PSME4: variants seen among roughly 807,000 people sequenced by gnomAD.
PSME4 encodes the protein proteasome activator complex subunit 4.
A neutral mutation model predicts 253.9 loss-of-function variants in PSME4; 89 were observed. That is an observed-to-expected ratio of 0.35 (90% CI 0.30 to 0.42). PSME4 has a LOEUF of 0.42. PSME4 is among the 10% of genes least tolerant of loss of function. The pLI is 1.00. For missense variants in PSME4, 2,014 were observed against 2,195.2 expected, an observed-to-expected ratio of 0.92 and a Z score of 1.65; for synonymous variants, 851 against 759.2, an observed-to-expected ratio of 1.12 and a Z score of -1.99.
chr2:53,921,017 G>T lies in PSME4; in HGVS notation c.2134C>A (p.Gln712Lys). The change falls in exon 18 of 47, where the codon CAG (glutamine) becomes AAG (lysine). Residue 712 changes from glutamine (Q) to lysine (K), a missense_variant. Around this residue, in one of 4 missense-constraint regions of PSME4, gnomAD observed 989 missense variants for 1,021.1 expected, o/e 0.97. Transcript: ENST00000404125. The stretch of plus-strand genomic sequence containing the variant: ...AGGTTACAAGACAGAGTGTAACCCT[G>T]CTTACAGGTTAAATGTAGGGTTCTT... ...LQRTLHLTCK[Q>K]GYTLSCNLLH... is the part of the protein sequence containing the mutation. 6.2e-7 allele frequency: 1 copy of T among 1,614,056 alleles called. No homozygotes were observed. Among genetic ancestry groups the T allele is most frequent in the Non-Finnish European group, 8.5e-7 (1 of 1,179,966 alleles).
intron 1 of PSME4, among the ~76,000 whole-genome samples, chr2:53,950,981 T>C (rs538757190): frequency 2.8e-4 from 43 of 152,322 alleles, no homozygotes; most frequent in Non-Finnish European, 5.0e-4. Flanking sequence ...AGGAGGGTCA[T>C]TTTATTAAAT....
intron 43 of PSME4, among the ~76,000 whole-genome samples, chr2:53,871,550 G>C (rs1416559427): frequency 6.6e-6 from 1 of 151,848 alleles, no homozygotes; most frequent in Non-Finnish European, 1.5e-5. Flanking sequence ...CACCACGCCC[G>C]GCTATCTGCA....
chr2:53,936,850 T>C (rs374011656), intron 5 of PSME4, 23 bp from the exon 6 acceptor site: 13 of 1,533,488 alleles, frequency 8.5e-6, no homozygotes, highest in Non-Finnish European at 8.0e-6. Flanking sequence ...AATGTTGTTA[T>C]GAATAGCAAG....
At chr2:53,889,082 C>T (rs1457840918) in intron 37 of PSME4, among the ~76,000 whole-genome samples, 2 of 152,138 alleles carry the variant, frequency 1.3e-5, no homozygotes, top group Non-Finnish European at 2.9e-5. Context: ...CCAGGCTGGT[C>T]TCCAACTCCT....
rs1668851250 is a variant in PSME4, at chr2:53,931,970, G to A, written c.1181C>T (p.Thr394Ile). The A allele has an allele frequency of 1.2e-6, 2 of 1,614,120 alleles. No individual in the cohort carries two copies. The highest frequency in any genetic ancestry group is 2.7e-5 in the African/African-American group (2 of 75,056). Residue 394 changes from threonine to isoleucine, a missense_variant, in exon 10 of 47, where the codon ACA becomes ATA. Around this residue, in one of 4 missense-constraint regions of PSME4, gnomAD observed 615 missense variants for 594.4 expected, o/e 1.03. Coordinates refer to ENST00000404125, the MANE Select transcript of PSME4 (RefSeq NM_014614.3). ...DSHKLTDQDV[T>I]DFVQCIIQPV... is the part of the protein sequence containing the mutation. ...CTGAATAATGCATTGTACAAAGTCTGTAACATCTTGATCAGTAAGCTTGTG... is the reference window on the plus strand; with the variant it reads ...CTGAATAATGCATTGTACAAAGTCTATAACATCTTGATCAGTAAGCTTGTG...
At position 53,864,334 on chromosome 2, in the gene PSME4, C is replaced by T. The variant is rs1678468760; in HGVS notation, c.*1244G>A. The T allele has an allele frequency of 6.6e-6, 1 of 152,364 alleles. No homozygotes were observed. Among genetic ancestry groups the T allele is most frequent in the South Asian group, 2.1e-4 (1 of 4,818 alleles). The allele number at this position is 152,364 out of a possible 1,614,324, so 9.4% of individuals were successfully genotyped here. On this transcript the variant is annotated 3_prime_UTR_variant, in exon 47 of 47. Transcript: ENST00000404125. Reference sequence around the variant, plus strand: ...ATTTCAACCCAGAAGATACCTTTCACTCTATAAACTTGTCATAGGCAAACA... The same window carrying T: ...ATTTCAACCCAGAAGATACCTTTCATTCTATAAACTTGTCATAGGCAAACA...
chr2:53,888,508 T>C (rs186743285), intron 38 of PSME4, among the ~76,000 whole-genome samples: 65 of 152,330 alleles, frequency 4.3e-4, no homozygotes, highest in Non-Finnish European at 8.4e-4. Flanking sequence ...TGTGTTTAAA[T>C]TGCTCAGGTT....
Position 53,888,713 on chromosome 2 carries a change from A to G in PSME4, c.4388+8T>C. The G allele has an allele frequency of 6.3e-7, 1 of 1,597,816 alleles. No individual in the cohort carries two copies. The highest frequency in any genetic ancestry group is 8.6e-7 in the Non-Finnish European group (1 of 1,166,424). Reference sequence around the variant, plus strand: ...TGTTAACCTCATAGGTTTTTTAAAAAAATTTACCATGCATCTACAAAGGAT... The same window carrying G: ...TGTTAACCTCATAGGTTTTTTAAAAGAATTTACCATGCATCTACAAAGGAT... On this transcript the variant is annotated splice_region_variant and intron_variant, in intron 38 of 46. Coordinates refer to ENST00000404125, the MANE Select transcript of PSME4 (RefSeq NM_014614.3).
At chr2:53,962,479 C>T (rs1178159687) in intron 1 of PSME4, among the ~76,000 whole-genome samples, 1 of 151,716 alleles carries the variant, frequency 6.6e-6, no homozygotes, top group African/African-American at 2.4e-5. Flanking sequence ...TTTTACAACA[C>T]TGCAGAAAGA....
chr2:53,931,599 C>G (rs186952755), intron 10 of PSME4, among the ~76,000 whole-genome samples: 1 of 152,182 alleles, frequency 6.6e-6, no homozygotes, highest in Non-Finnish European at 1.5e-5. Flanking sequence ...ATTTTGGTAA[C>G]TAAAATGTGT....
In PSME4 at chr2:53,897,942, G is replaced by T; in HGVS notation, c.3534C>A (p.Asp1178Glu). The change falls in exon 31 of 47, where the codon GAC becomes GAA. Residue 1178 changes from aspartate (D) to glutamate (E), a missense_variant. By Grantham distance (45) the Asp-to-Glu change is conservative. Coordinates refer to ENST00000404125, the MANE Select transcript of PSME4 (RefSeq NM_014614.3). ...GTATGGCACGAAGAGGCAACACTCG[G>T]TCATCTCTCAGCAGTAGAGACAGAA... ...IGLLSLLLRDDRVLPLRAIRF... is the reference protein window; with the variant it reads ...IGLLSLLLRDERVLPLRAIRF... 6.2e-7 allele frequency: 1 copy of T among 1,613,208 alleles called. No homozygotes were observed. Among genetic ancestry groups the T allele is most frequent in the Non-Finnish European group, 8.5e-7 (1 of 1,179,242 alleles).
intron 43 of PSME4, 144 bp from the exon 44 acceptor site, chr2:53,869,682 T>C (rs966058291): frequency 2.0e-5 from 11 of 540,048 alleles, no homozygotes; most frequent in South Asian, 6.0e-5. Context: ...AGTTTCTTAA[T>C]AGAGATTTCA....
intron 1 of PSME4, among the ~76,000 whole-genome samples, chr2:53,965,086 A>AACAC (rs200298753): frequency 6.6e-6 from 1 of 151,336 alleles, no homozygotes; most frequent in African/African-American, 2.4e-5. Flanking sequence ...ATTCTGTTTA[A>AACAC]ACACACACAC....
chr2:53,968,427 C>T (rs1230874959), intron 1 of PSME4, among the ~76,000 whole-genome samples: 1 of 152,092 alleles, frequency 6.6e-6, no homozygotes, highest in East Asian at 1.9e-4. Flanking sequence ...CTACAAAGTA[C>T]TAAATATGAT....
intron 3 of PSME4, among the ~76,000 whole-genome samples, chr2:53,946,001 GC>G (rs776759969): frequency 2.0e-5 from 3 of 152,172 alleles, no homozygotes; most frequent in Non-Finnish European, 4.4e-5. Context: ...ATCAAGAACA[GC>G]CATGGTAAAA....
chr2:53,921,317 C>T (rs1362681364), intron 17 of PSME4, among the ~76,000 whole-genome samples: 2 of 151,792 alleles, frequency 1.3e-5, no homozygotes, highest in African/African-American at 2.4e-5. Context: ...ACCATAGTAA[C>T]ATCCCTTTCA....
At chr2:53,932,620 A>G (rs369305401) in intron 9 of PSME4, 48 bp downstream of exon 9, 10 of 1,455,784 alleles carry the variant, frequency 6.9e-6, no homozygotes, top group African/African-American at 1.4e-5. Flanking sequence ...AAGGATGACC[A>G]TATCTTTAAA....
At position 53,892,799 on chromosome 2, in the gene PSME4, A is replaced by C; in HGVS notation, c.4191+9T>G. 1 of 1,608,092 alleles carries C rather than the reference A, an allele frequency of 6.2e-7. No individual in the cohort carries two copies. The highest frequency in any genetic ancestry group is 8.5e-7 in the Non-Finnish European group (1 of 1,177,598). ...CAGGAAATGTTCTGTACAAATATTA[A>C]TACATCACCTTTTCAAATGTCCAGT... On this transcript the variant is annotated intron_variant, in intron 36 of 46. Coordinates refer to ENST00000404125, the MANE Select transcript of PSME4 (RefSeq NM_014614.3).
rs1267467968 is a variant in PSME4, at chr2:53,865,851, A to G, written c.*4+234T>C. ...TCCCAGGCTGACACCACTCATCTAC[A>G]AAGGTCCAAAAGCAGTCACACATTT... On this transcript the variant is annotated intron_variant, in intron 46 of 46. Transcript: ENST00000404125. 37 of 474,126 alleles carry G rather than the reference A, an allele frequency of 7.8e-5. 1 individual carries two copies. The highest frequency in any genetic ancestry group is 3.7e-6 in the Non-Finnish European group (1 of 270,002). 29.4% of individuals were successfully genotyped at this position (474,126 alleles called of 1,614,324 possible). A position where few individuals can be genotyped will look rare whatever the true frequency, so the allele number is the denominator to read the frequency against.
Sources: allele counts gnomAD v4.1 joint callset (sites outside exome capture counted in the v4.1 genomes callset), GRCh38; gene constraint gnomAD v4.1.1; regional missense constraint gnomAD v4.1.1; transcripts MANE v1.5; gene names NCBI Gene and HGNC (gene_info 2026-07-23, HGNC 2026-07-21).